HSPB7: variants seen among roughly 807,000 people sequenced by gnomAD.
HSPB7 encodes the protein heat shock protein family B (small) member 7.
Under a neutral mutation model 11.0 loss-of-function variants are expected in HSPB7, and 9 were observed. The ratio of observed to expected loss-of-function variants is 0.82; its 90% CI spans 0.49 to 1.43. The LOEUF is 1.43. Ranked by LOEUF, HSPB7 falls within the 40% of genes most tolerant of loss-of-function variation. The pLI, the probability that HSPB7 is intolerant of heterozygous loss-of-function variation, is 0.00. For missense variants in HSPB7, 246 were observed against 243.9 expected (o/e 1.01, Z -0.06); for synonymous variants, 102 against 101.6 (o/e 1.00, Z -0.02).
chr1:16,018,636 A>C (rs978579585), upstream of HSPB7: 24 of 1,029,224 alleles, frequency 2.3e-5, no homozygotes, highest in African/African-American at 4.2e-4. Flanking sequence ...ACTCCCTCTG[A>C]CTCTCAGAAC....
chr1:16,017,642 T>TAG (rs1454523669), intron 1 of HSPB7, 123 bp downstream of exon 1: 2 of 779,896 alleles, frequency 2.6e-6, no homozygotes, highest in Non-Finnish European at 4.1e-6. Flanking sequence ...TGGCCACACA[T>TAG]GGCTGCAGGC....
In HSPB7 at chr1:16,017,998, A is replaced by G. The variant is rs772523460; in HGVS notation, c.-35T>C. On this transcript the variant is annotated 5_prime_UTR_variant, in exon 1 of 3. Coordinates refer to ENST00000311890, the MANE Select transcript of HSPB7 (RefSeq NM_014424.5). ...GCGCCGGGCCCTGCCCAGGCGGGCGAGGGCTGGACAGGAGAGGGTGTGGGC... is the reference window on the plus strand; with the variant it reads ...GCGCCGGGCCCTGCCCAGGCGGGCGGGGGCTGGACAGGAGAGGGTGTGGGC... 3 of 1,612,284 alleles carry G rather than the reference A, an allele frequency of 1.9e-6. 1 individual carries two copies. In the South Asian group the frequency reaches 3.3e-5, roughly 18 times the overall value.
chr1:16,018,855 G>A, upstream of HSPB7: 3 of 1,291,870 alleles, frequency 2.3e-6, no homozygotes, highest in Non-Finnish European at 2.9e-6. Flanking sequence ...TGGGCTCCTG[G>A]CTGCAAGCTG....
At position 16,015,660 on chromosome 1, in the gene HSPB7, C is replaced by T. The variant is rs757088984; in HGVS notation, c.433G>A (p.Gly145Ser). 24 of 1,613,730 alleles carry T rather than the reference C, an allele frequency of 1.5e-5. No homozygotes were observed. The highest frequency in any genetic ancestry group is 3.3e-5 in the Admixed American group (2 of 59,998). Reference protein sequence around the residue: ...TSVTSALREDGSLTIRARRHP... With the variant: ...TSVTSALREDSSLTIRARRHP... ...CGCCGTGCCCGGATAGTGAGGCTGCCGTCCTCCCGCAGAGCCGAGGTCACC... is the reference window on the plus strand; with the variant it reads ...CGCCGTGCCCGGATAGTGAGGCTGCTGTCCTCCCGCAGAGCCGAGGTCACC... The change falls in exon 3 of 3, where the codon GGC becomes AGC. Residue 145 changes from glycine (G) to serine (S), a missense_variant. Physicochemically the swap from Gly to Ser is moderately conservative, Grantham distance 56. Coordinates refer to ENST00000311890, the MANE Select transcript of HSPB7 (RefSeq NM_014424.5). The surrounding 1 kb of genome is among the most constrained non-coding windows in gnomAD (Gnocchi z 4.9).
rs1263948537 is a variant in HSPB7 at position 16,017,405 on chromosome 1, TG to T, written c.200-199del. 4.5e-6 allele frequency: 3 copies of T among 659,812 alleles called. No homozygotes were observed. In the African/African-American group the frequency reaches 5.4e-5, roughly 12 times the overall value. The allele number at this position is 659,812 out of a possible 1,614,324, so 40.9% of individuals were successfully genotyped here. ...GTGGGGCCTCACCCAGCACAGTGTG[TG>T]TGTATATGAGGCTAGGTCTGTAACA... On this transcript the variant is annotated intron_variant, in intron 1 of 2. Coordinates refer to ENST00000311890, the MANE Select transcript of HSPB7 (RefSeq NM_014424.5).
chr1:16,015,506 T>G lies in HSPB7; in HGVS notation c.*74A>C, dbSNP rs764300583. The G allele has an allele frequency of 1.5e-5, 21 of 1,428,664 alleles. No individual in the cohort carries two copies. The African/African-American group carries it at 2.2e-4, about 15-fold the overall frequency. The allele number at this position is 1,428,664 out of a possible 1,614,324, so 88.5% of individuals were successfully genotyped here. Reference sequence around the variant, plus strand: ...AACCTGGGCTGAGATGTCCTGGAGCTGTTGTAATGGGGTTAGCGAGGCTTT... The same window carrying G: ...AACCTGGGCTGAGATGTCCTGGAGCGGTTGTAATGGGGTTAGCGAGGCTTT... On this transcript the variant is annotated 3_prime_UTR_variant, in exon 3 of 3. Coordinates refer to ENST00000311890, the MANE Select transcript of HSPB7 (RefSeq NM_014424.5). The surrounding 1 kb of genome is among the most constrained non-coding windows in gnomAD (Gnocchi z 4.9).
rs373130495 is a variant in HSPB7 at position 16,017,716 on chromosome 1, C to G, written c.199+49G>C. 3 of 1,467,248 alleles carry G rather than the reference C, an allele frequency of 2.0e-6. No homozygotes were observed. In the East Asian group the frequency reaches 7.4e-5, roughly 36 times the overall value. 90.9% of individuals were successfully genotyped at this position (1,467,248 alleles called of 1,614,324 possible). A position where few individuals can be genotyped will look rare whatever the true frequency, so the allele number is the denominator to read the frequency against. ...GCCTTCGGTGGCGCCCTGGAGCAGA[C>G]GTCCCCTCCCTGTGCACCTCCCCTC... On this transcript the variant is annotated intron_variant, in intron 1 of 2. Coordinates refer to ENST00000311890, the MANE Select transcript of HSPB7 (RefSeq NM_014424.5).
In HSPB7 at chr1:16,017,897, A is replaced by T. The variant is rs1470120864; in HGVS notation, c.67T>A (p.Ser23Thr). 9.3e-6 allele frequency: 15 copies of T among 1,613,540 alleles called. No individual in the cohort carries two copies. Among genetic ancestry groups the T allele is most frequent in the Non-Finnish European group, 1.2e-5 (14 of 1,179,586 alleles). The change falls in exon 1 of 3, where the codon TCC becomes ACC. Residue 23 changes from serine (S) to threonine (T), a missense_variant. By Grantham distance (58) the Ser-to-Thr change is moderately conservative (BLOSUM62 1). Transcript: ENST00000311890. ...GAGGCCGAGGAGGAGGTGGAAGAGG[A>T]GGAGGAAGAGGAAGAGGAATGGAAA... ...RSFHSSSSSS[S>T]SSTSSSASRA... is the part of the protein sequence containing the mutation.
At position 16,017,063 on chromosome 1, in the gene HSPB7, G is replaced by A. The variant is rs753791155; in HGVS notation, c.333+11C>T. Reference sequence around the variant, plus strand: ...ATTTGGGATGCGGTGAGTAGGGGGTGGGGGGCTCACCTTCTCAGCCCGCAC... The same window carrying A: ...ATTTGGGATGCGGTGAGTAGGGGGTAGGGGGCTCACCTTCTCAGCCCGCAC... On this transcript the variant is annotated intron_variant, in intron 2 of 2. Transcript: ENST00000311890. 1.9e-6 allele frequency: 3 copies of A among 1,602,194 alleles called. No individual in the cohort carries two copies. The highest frequency in any genetic ancestry group is 2.6e-6 in the Non-Finnish European group (3 of 1,170,168).
chr1:16,017,763 G>A lies in HSPB7; in HGVS notation c.199+2C>T. On this transcript the variant is annotated splice_donor_variant, in intron 1 of 2. Coordinates refer to ENST00000311890, the MANE Select transcript of HSPB7 (RefSeq NM_014424.5). LOFTEE classifies it low-confidence loss of function (GC_TO_GT_DONOR). ...CCTCCCCTCAGGGCCCGGATCACTT[G>A]CCTGGGAAGGCCAGGGGCTCCGAGT... is the stretch of plus-strand genomic sequence containing the variant. 1.9e-6 allele frequency: 3 copies of A among 1,591,174 alleles called. No individual in the cohort carries two copies. Among genetic ancestry groups the A allele is most frequent in the Middle Eastern group, 1.7e-4 (1 of 6,004 alleles).
At chr1:16,016,688 AC>A (rs967038472) in intron 2 of HSPB7, among the ~76,000 whole-genome samples, 28 of 150,994 alleles carry the variant, frequency 1.9e-4, no homozygotes, top group African/African-American at 4.9e-4. Flanking sequence ...TTCCCCACCT[AC>A]CCGCATCCGC....
chr1:16,019,208 G>A (rs1016562780), upstream of HSPB7: 24 of 1,550,398 alleles, frequency 1.5e-5, no homozygotes, highest in African/African-American at 2.3e-4. Context: ...GCAGTTAAGG[G>A]CCTCTGCTGT....
chr1:16,017,729 TG>T, intron 1 of HSPB7, 35 bp downstream of exon 1: 1 of 1,514,474 alleles, frequency 6.6e-7, no homozygotes, highest in Non-Finnish European at 8.9e-7. Flanking sequence ...CCCCTCCCTG[TG>T]CACCTCCCCT....
Position 16,014,151 on chromosome 1 carries a change from C to G in HSPB7, c.*1429G>C, listed in dbSNP as rs992752371. 2.6e-5 allele frequency: 4 copies of G among 152,410 alleles called. No homozygotes were observed. Among genetic ancestry groups the G allele is most frequent in the African/African-American group, 9.7e-5 (4 of 41,434 alleles). The allele number at this position is 152,410 out of a possible 1,614,324, so 9.4% of individuals were successfully genotyped here. A position where few individuals can be genotyped will look rare whatever the true frequency, so the allele number is the denominator to read the frequency against. ...GAGTGAGAGGCCACCCTAAGGCACA[C>G]TGACCAGAGAGGCATGGAGGGAGGA... On this transcript the variant is annotated 3_prime_UTR_variant, in exon 3 of 3. Transcript: ENST00000311890.
chr1:16,015,862 A>C lies in HSPB7; in HGVS notation c.334-103T>G. On this transcript the variant is annotated intron_variant, in intron 2 of 2. Coordinates refer to ENST00000311890, the MANE Select transcript of HSPB7 (RefSeq NM_014424.5). The surrounding 1 kb of genome is among the most constrained non-coding windows in gnomAD (Gnocchi z 4.9). The stretch of plus-strand genomic sequence containing the variant: ...CATTCTAACCCCAGCCAGACCCCAC[A>C]TGCCGAGGGGCTCTGCCCTCAGGTG... The C allele has an allele frequency of 1.0e-5, 11 of 1,097,678 alleles. No homozygotes were observed. Among genetic ancestry groups the C allele is most frequent in the Non-Finnish European group, 1.4e-5 (11 of 779,406 alleles). 68.0% of individuals were successfully genotyped at this position (1,097,678 alleles called of 1,614,324 possible). A position where few individuals can be genotyped will look rare whatever the true frequency, so the allele number is the denominator to read the frequency against.
upstream of HSPB7, chr1:16,018,424 C>G: frequency 8.6e-7 from 1 of 1,169,334 alleles, no homozygotes; most frequent in Non-Finnish European, 1.1e-6. Context: ...TCCTCCACGG[C>G]TGTACCTCCT....
At chr1:16,017,639 A>T in intron 1 of HSPB7, 126 bp downstream of exon 1, 1 of 763,362 alleles carries the variant, frequency 1.3e-6, no homozygotes, top group Non-Finnish European at 2.1e-6. Context: ...TGGTGGCCAC[A>T]CATGGCTGCA....
At chr1:16,019,231 C>A, upstream of HSPB7, 1 of 1,549,450 alleles carries the variant, frequency 6.5e-7, no homozygotes, top group Non-Finnish European at 8.7e-7. Flanking sequence ...TCTCCAAATC[C>A]GTCCCTTCCG....
At chr1:16,019,160 T>G, upstream of HSPB7, 1 of 1,550,430 alleles carries the variant, frequency 6.4e-7, no homozygotes, top group Non-Finnish European at 8.7e-7. Flanking sequence ...GTGGAGGCCA[T>G]TCTGAGAGGC....
Sources: allele counts gnomAD v4.1 joint callset (sites outside exome capture counted in the v4.1 genomes callset), GRCh38; gene constraint gnomAD v4.1.1; non-coding constraint Gnocchi (gnomAD v3.1); transcripts MANE v1.5; gene names NCBI Gene and HGNC (gene_info 2026-07-23, HGNC 2026-07-21).